VWA8: variants seen among roughly 807,000 people sequenced by gnomAD.
The protein encoded by VWA8 is von Willebrand factor A domain containing 8, also known as von Willebrand factor A domain-containing protein 8.
In VWA8, 221 loss-of-function variants were observed where a neutral mutation model predicts 241.5. The observed-to-expected ratio is 0.91, with a 90% confidence interval of 0.82 to 1.02. The LOEUF is 1.02. Among genes scored for constraint, VWA8 ranks in the 50% least tolerant of loss-of-function variants. The probability of loss-of-function intolerance (pLI) is 0.00; values close to 1 mark genes in which losing one functional copy is unlikely to be tolerated. For synonymous variants in VWA8, 852 were observed against 827.1 expected, an observed-to-expected ratio of 1.03 and a Z score of -0.52; for missense variants, 2,322 against 2,328.7, an observed-to-expected ratio of 1.00 and a Z score of 0.06.
intron 17 of VWA8, among the ~76,000 whole-genome samples, chr13:41,790,002 A>G (rs2137946525): frequency 6.6e-6 from 1 of 152,298 alleles, no homozygotes; most frequent in East Asian, 1.9e-4. Context: ...AAATTTATTA[A>G]CCATTTCAAA....
At chr13:41,844,796 C>CA (rs58119854) in intron 12 of VWA8, among the ~76,000 whole-genome samples, 53,765 of 140,754 alleles carry the variant, frequency 0.38, 9,946 homozygotes, top group African/African-American at 0.48. Flanking sequence ...CAATAGCTGC[C>CA]AAAAAAAAAA....
chr13:41,766,009 T>C (rs1292368657), intron 20 of VWA8, among the ~76,000 whole-genome samples: 5 of 151,920 alleles, frequency 3.3e-5, no homozygotes, highest in Non-Finnish European at 7.4e-5. Flanking sequence ...GAAGCAGGAG[T>C]AGGGCGGCCC....
In VWA8 at chr13:41,944,017, A is replaced by C. The variant is rs370076751; in HGVS notation, c.241+5919T>G. Among the ~76,000 whole-genome samples, 255 of 152,106 alleles carry C rather than the reference A, an allele frequency of 1.7e-3. 2 individuals carry two copies. The highest frequency in any genetic ancestry group is 5.6e-3 in the African/African-American group (234 of 41,518). ...CTACTCGGGAGGCTGAGGTAGGAGA[A>C]TCGCTTGAACCTGGGAGGCAGAGGC... is the stretch of plus-strand genomic sequence containing the variant. On this transcript the variant is annotated intron_variant, in intron 2 of 44. Transcript: ENST00000379310.
intron 2 of VWA8, among the ~76,000 whole-genome samples, chr13:41,932,268 T>C (rs913846069): frequency 2.0e-5 from 3 of 152,048 alleles, no homozygotes; most frequent in Non-Finnish European, 4.4e-5. Flanking sequence ...TTGACACAAT[T>C]AGGGATAACT....
At chr13:41,866,392 CGTGTGTGTGTGTATATGTGT>C (rs1873314592) in intron 10 of VWA8, among the ~76,000 whole-genome samples, 1 of 148,898 alleles carries the variant, frequency 6.7e-6, no homozygotes, top group Non-Finnish European at 1.5e-5. Flanking sequence ...TGTGTGTGCG[CGTGTGTGTGTGTATATGTGT>C]GTGTGTGTGT....
chr13:41,611,919 A>G (rs557048007), intron 38 of VWA8, among the ~76,000 whole-genome samples, 187 bp from the exon 39 acceptor site: 1 of 152,294 alleles, frequency 6.6e-6, no homozygotes, highest in South Asian at 2.1e-4. Context: ...TTTCCCATCC[A>G]TTAAAATACT....
At chr13:41,827,904 T>G (rs564939714) in intron 14 of VWA8, among the ~76,000 whole-genome samples, 1 of 152,356 alleles carries the variant, frequency 6.6e-6, no homozygotes, top group Admixed American at 6.5e-5. Flanking sequence ...ATGCTTCTGA[T>G]GTCCTAAGAG....
rs752996202 is a variant in VWA8, at chr13:41,911,252, C to T, written c.372+786G>A. On this transcript the variant is annotated intron_variant, in intron 3 of 44. Coordinates refer to ENST00000379310, the MANE Select transcript of VWA8 (RefSeq NM_015058.2). ...CTAATTTTTGTATTTTTAGTAGAGC[C>T]GAGGTTTCACCATGTTGGCCAGGCT... 2.0e-5 allele frequency among the ~76,000 whole-genome samples: 3 copies of T among 151,910 alleles called. No homozygotes were observed. The East Asian group carries it at 5.8e-4, about 30-fold the overall frequency.
intron 19 of VWA8, among the ~76,000 whole-genome samples, chr13:41,778,834 T>C (rs12865685): frequency 0.087 from 4,281 of 49,026 alleles, 178 homozygotes; most frequent in South Asian, 0.27. Flanking sequence ...GTACGTCACT[T>C]TTTTTTTTTT....
rs868345860 is a variant in VWA8 at position 41,960,720 on chromosome 13, A to G, written c.163+133T>C. ...CGCCGAGGTCGGGACTAGAACCTCA[A>G]TCTTTCAGCTCCCCGCTCGGCAAAC... On this transcript the variant is annotated intron_variant, in intron 1 of 44. Coordinates refer to ENST00000379310, the MANE Select transcript of VWA8 (RefSeq NM_015058.2). 18 of 1,304,884 alleles carry G rather than the reference A, an allele frequency of 1.4e-5. 1 individual carries two copies. The Middle Eastern group carries it at 2.2e-3, about 159-fold the overall frequency. 80.8% of individuals were successfully genotyped at this position (1,304,884 alleles called of 1,614,324 possible).
At chr13:41,916,555 T>C (rs773613282) in intron 2 of VWA8, among the ~76,000 whole-genome samples, 2 of 152,278 alleles carry the variant, frequency 1.3e-5, no homozygotes, top group Admixed American at 6.5e-5. Context: ...TCAGAGGATC[T>C]ACTTCTCAAA....
In VWA8 at chr13:41,696,625, T is replaced by C. The variant is rs117700313; in HGVS notation, c.3564+2446A>G. 2.1e-3 allele frequency among the ~76,000 whole-genome samples: 316 copies of C among 152,312 alleles called. 12 individuals carry two copies. The East Asian group carries it at 0.049, about 24-fold the overall frequency. The stretch of plus-strand genomic sequence containing the variant: ...AAGTCTGAGCCTCAGTCCTCTCATA[T>C]GTAAATGTGGCTGAGAGCTACCCTC... On this transcript the variant is annotated intron_variant, in intron 29 of 44. Coordinates refer to ENST00000379310, the MANE Select transcript of VWA8 (RefSeq NM_015058.2).
intron 18 of VWA8, among the ~76,000 whole-genome samples, chr13:41,784,743 T>TATATATATATACACACAC (rs1199065533): frequency 3.2e-5 from 3 of 94,980 alleles, no homozygotes; most frequent in African/African-American, 1.1e-4. Flanking sequence ...CACACATATA[T>TATATATATATACACACAC]ATATATATAT....
intron 26 of VWA8, among the ~76,000 whole-genome samples, chr13:41,708,169 C>G (rs528676233): frequency 6.6e-6 from 1 of 152,024 alleles, no homozygotes; most frequent in East Asian, 1.9e-4. Context: ...ACCAGCCTGA[C>G]CAACATGGAA....
chr13:41,854,761 G>A (rs192495771), intron 12 of VWA8, among the ~76,000 whole-genome samples: 101 of 152,266 alleles, frequency 6.6e-4, no homozygotes, highest in African/African-American at 2.2e-3. Flanking sequence ...AGGCCATTAA[G>A]TGATGCTGAA....
intron 7 of VWA8, 28 bp downstream of exon 7, chr13:41,886,753 G>A: frequency 2.6e-6 from 4 of 1,553,724 alleles, no homozygotes; most frequent in Admixed American, 2.0e-5. Flanking sequence ...AATATTCAGT[G>A]TCCAGACATT....
At chr13:41,615,206 C>A (rs2044613558) in intron 37 of VWA8, 122 bp from the exon 38 acceptor site, 5 of 934,910 alleles carry the variant, frequency 5.3e-6, no homozygotes. Context: ...GGCCACTGGA[C>A]TTGATAAATG....
At chr13:41,654,623 C>T (rs1037128838) in intron 37 of VWA8, among the ~76,000 whole-genome samples, 1 of 152,240 alleles carries the variant, frequency 6.6e-6, no homozygotes, top group African/African-American at 2.4e-5. Context: ...CAGGAGACAG[C>T]ACTCTGGTGA....
chr13:41,595,324 G>T (rs1348557259), intron 40 of VWA8, among the ~76,000 whole-genome samples: 1 of 152,092 alleles, frequency 6.6e-6, no homozygotes, highest in Non-Finnish European at 1.5e-5. Flanking sequence ...GGTAAAATTT[G>T]CAGTGAGAGT....
Sources: gnomAD v4.1 joint callset for allele counts (sites outside exome capture counted in the v4.1 genomes callset) on GRCh38, gnomAD v4.1.1 for gene constraint, MANE v1.5 for transcripts, NCBI Gene and HGNC (gene_info 2026-07-23, HGNC 2026-07-21) for gene names.